KLB: variants seen among roughly 807,000 people sequenced by gnomAD.
KLB encodes beta-klotho.
In KLB, 44 loss-of-function variants were observed where a neutral mutation model predicts 88.4. That is an observed-to-expected ratio of 0.50 (90% CI 0.39 to 0.64). KLB has a LOEUF of 0.64. Ranked by LOEUF, KLB falls within the 30% of genes least tolerant of loss-of-function variation. The probability of loss-of-function intolerance (pLI) is 0.00; values close to 1 mark genes in which losing one functional copy is unlikely to be tolerated. For synonymous variants in KLB, 548 were observed against 513.4 expected, an observed-to-expected ratio of 1.07 and a Z score of -0.91; for missense variants, 1,137 against 1,304.8, an observed-to-expected ratio of 0.87 and a Z score of 1.98.
chr4:39,447,153 C>G lies in KLB; in HGVS notation c.2427C>G (p.Ala809=), dbSNP rs1423197953. 2 of 1,613,746 alleles carry G rather than the reference C, an allele frequency of 1.2e-6. No homozygotes were observed. The highest frequency in any genetic ancestry group is 1.1e-5 in the South Asian group (1 of 91,086). The change falls in exon 4 of 5, where the codon GCC becomes GCG. Residue 809 remains alanine, a synonymous_variant. Coordinates refer to ENST00000257408, the MANE Select transcript of KLB (RefSeq NM_175737.4). ...SSSALPRLTE[A]ERRLLKGTVD... Reference sequence around the variant, plus strand: ...CGGCCCTGCCGCGCCTCACCGAGGCCGAAAGGAGGCTGCTCAAGGGCACGG... The same window carrying G: ...CGGCCCTGCCGCGCCTCACCGAGGCGGAAAGGAGGCTGCTCAAGGGCACGG...
rs1284782970 is a variant in KLB, at chr4:39,447,193, C to A, written c.2467C>A (p.Leu823Ile). 1.2e-6 allele frequency: 2 copies of A among 1,614,004 alleles called. No homozygotes were observed. The highest frequency in any genetic ancestry group is 2.2e-5 in the South Asian group (2 of 91,086). ...CAAGGGCACGGTCGACTTCTGCGCG[C>A]TCAACCACTTCACCACTAGGTTCGT... ...LLKGTVDFCA[L>I]NHFTTRFVMH... The change falls in exon 4 of 5, where the codon CTC becomes ATC. Residue 823 changes from leucine (L) to isoleucine (I), a missense_variant. By Grantham distance (5) the Leu-to-Ile change is conservative. Transcript: ENST00000257408.
intron 1 of KLB, among the ~76,000 whole-genome samples, chr4:39,429,992 G>A (rs147110574): frequency 4.6e-5 from 7 of 152,196 alleles, no homozygotes; most frequent in Non-Finnish European, 8.8e-5. Context: ...ACTGTGGAAC[G>A]TGAAGGTCAC....
chr4:39,448,238 A>AT, intron 4 of KLB, 63 bp from the exon 5 acceptor site: 1 of 1,290,640 alleles, frequency 7.7e-7, no homozygotes, highest in Admixed American at 2.5e-5. Context: ...TGAAAACTAA[A>AT]TTCTTCCTCA....
At chr4:39,411,174 G>C (rs1392217189) in intron 1 of KLB, among the ~76,000 whole-genome samples, 1 of 149,188 alleles carries the variant, frequency 6.7e-6, no homozygotes, top group Non-Finnish European at 1.5e-5. Context: ...TCAGCCTCCC[G>C]AGTCGCTGGG....
chr4:39,426,147 G>A (rs1423136647), intron 1 of KLB, among the ~76,000 whole-genome samples: 3 of 152,036 alleles, frequency 2.0e-5, no homozygotes, highest in African/African-American at 7.3e-5. Context: ...AGCTACTCAG[G>A]AGGCTGAGGC....
chr4:39,439,888 G>A (rs1302786931), intron 3 of KLB, among the ~76,000 whole-genome samples: 2 of 151,948 alleles, frequency 1.3e-5, no homozygotes, highest in Non-Finnish European at 2.9e-5. Flanking sequence ...AACTGGCTTC[G>A]AAATCCTGAC....
At chr4:39,431,068 C>T (rs1176065489) in intron 1 of KLB, among the ~76,000 whole-genome samples, 4 of 150,022 alleles carry the variant, frequency 2.7e-5, no homozygotes, top group African/African-American at 7.3e-5. Flanking sequence ...AGGCACGTAT[C>T]ACCATGCCTG....
At position 39,434,309 on chromosome 4, in the gene KLB, C is replaced by G. The variant is rs150045601; in HGVS notation, c.925C>G (p.Arg309Gly). The change falls in exon 2 of 5, where the codon CGG becomes GGG. Residue 309 changes from arginine (R) to glycine (G), a missense_variant. This residue lies in a region of KLB where 597 missense variants were observed against 765.2 expected (regional missense o/e 0.78). Transcript: ENST00000257408. ...TLGSHWIEPN[R>G]SENTMDIFKC... The stretch of plus-strand genomic sequence containing the variant: ...GGGATCTCATTGGATCGAGCCAAAC[C>G]GGTCGGAAAACACGATGGATATATT... 6.2e-7 allele frequency: 1 copy of G among 1,613,988 alleles called. No homozygotes were observed. The highest frequency in any genetic ancestry group is 1.3e-5 in the African/African-American group (1 of 74,896).
chr4:39,418,375 G>C (rs2109823672), intron 1 of KLB, among the ~76,000 whole-genome samples: 1 of 152,152 alleles, frequency 6.6e-6, no homozygotes. Flanking sequence ...AAGTAGCTAA[G>C]ACTACAGGCG....
intron 1 of KLB, among the ~76,000 whole-genome samples, chr4:39,416,108 GACACACAC>G (rs34831449): frequency 7.0e-6 from 1 of 142,986 alleles, no homozygotes; most frequent in African/African-American, 2.6e-5. Context: ...GTAGATTGCA[GACACACAC>G]ACACACACAC....
intron 3 of KLB, among the ~76,000 whole-genome samples, chr4:39,442,754 C>G (rs1189105574): frequency 6.6e-6 from 1 of 152,158 alleles, no homozygotes; most frequent in African/African-American, 2.4e-5. Flanking sequence ...GTTTTATAAA[C>G]TTTTGATAAA....
chr4:39,431,626 G>A (rs564906423), intron 1 of KLB, among the ~76,000 whole-genome samples: 1 of 152,332 alleles, frequency 6.6e-6, no homozygotes, highest in Admixed American at 6.5e-5. Context: ...TGAAAATTGA[G>A]TAAGGACAAG....
At position 39,447,398 on chromosome 4, in the gene KLB, G is replaced by T; in HGVS notation, c.2672G>T (p.Gly891Val). ...GDMDIYITAS[G>V]IDDQALEDDR... Reference sequence around the variant, plus strand: ...ATGGACATTTACATCACCGCCAGTGGCATCGACGACCAGGCTCTGGAGGAT... The same window carrying T: ...ATGGACATTTACATCACCGCCAGTGTCATCGACGACCAGGCTCTGGAGGAT... The change falls in exon 4 of 5, where the codon GGC (glycine) becomes GTC (valine). Residue 891 changes from glycine to valine, a missense_variant. Gly to Val is a moderately radical substitution (Grantham distance 109). Coordinates refer to ENST00000257408, the MANE Select transcript of KLB (RefSeq NM_175737.4). 1 of 1,613,588 alleles carries T rather than the reference G, an allele frequency of 6.2e-7. No homozygotes were observed. Among genetic ancestry groups the T allele is most frequent in the Non-Finnish European group, 8.5e-7 (1 of 1,179,880 alleles).
intron 1 of KLB, among the ~76,000 whole-genome samples, chr4:39,429,346 A>G (rs1406806971): frequency 6.6e-6 from 1 of 152,066 alleles, no homozygotes; most frequent in African/African-American, 2.4e-5. Context: ...CTGGCTCCTA[A>G]TCCCTTCTTC....
In KLB at chr4:39,434,732, A is replaced by C. The variant is rs763843856; in HGVS notation, c.1336+12A>C. On this transcript the variant is annotated intron_variant, in intron 2 of 4. Coordinates refer to ENST00000257408, the MANE Select transcript of KLB (RefSeq NM_175737.4). ...CCAGGTGCTTCAAGGTTGGTTGTACACTTGCTTAATTTTTTAAAAATTCTA... is the reference window on the plus strand; with the variant it reads ...CCAGGTGCTTCAAGGTTGGTTGTACCCTTGCTTAATTTTTTAAAAATTCTA... The C allele has an allele frequency of 1.3e-6, 2 of 1,572,398 alleles. No individual in the cohort carries two copies. The highest frequency in any genetic ancestry group is 1.7e-6 in the Non-Finnish European group (2 of 1,162,318).
chr4:39,446,077 T>A lies in KLB; in HGVS notation c.1606-255T>A, dbSNP rs1403713682. 6.6e-6 allele frequency among the ~76,000 whole-genome samples: 1 copy of A among 152,198 alleles called. No homozygotes were observed. The highest frequency in any genetic ancestry group is 1.5e-5 in the Non-Finnish European group (1 of 68,032). On this transcript the variant is annotated intron_variant, in intron 3 of 4. Transcript: ENST00000257408. This position sits in a 1 kb window ranked among gnomAD's most constrained non-coding sequence, Gnocchi z 6.4. ...AACAGAATCACTTCAAACCCCACCA[T>A]ATATAACCTAGGGTTTAAAGTTAAA...
chr4:39,437,372 G>A (rs1743494615), intron 2 of KLB, among the ~76,000 whole-genome samples: 1 of 152,102 alleles, frequency 6.6e-6, no homozygotes, highest in South Asian at 2.1e-4. Flanking sequence ...CTTGAAATAA[G>A]AAACTCTTGG....
At chr4:39,438,096 A>C in intron 3 of KLB, 101 bp downstream of exon 3, 1 of 1,092,440 alleles carries the variant, frequency 9.2e-7, no homozygotes, top group Non-Finnish European at 1.3e-6. Context: ...ACAATATCAA[A>C]TACCACAATT....
chr4:39,411,050 T>TTTTTG lies in KLB; in HGVS notation c.825+3292_825+3296dup, dbSNP rs572346790. 1.7e-3 allele frequency among the ~76,000 whole-genome samples: 256 copies of TTTTTG among 152,218 alleles called. 1 individual carries two copies. Among genetic ancestry groups the TTTTTG allele is most frequent in the African/African-American group, 5.7e-3 (238 of 41,538 alleles). On this transcript the variant is annotated intron_variant, in intron 1 of 4. Transcript: ENST00000257408. ...TGGATGAACCAACTCTAAGTTTTTG[T>TTTTTG]TTTTGTTTTGTTTTGTTTTGAGACG... is the stretch of plus-strand genomic sequence containing the variant.
Sources: allele counts gnomAD v4.1 joint callset (sites outside exome capture counted in the v4.1 genomes callset), GRCh38; gene constraint gnomAD v4.1.1; regional missense constraint gnomAD v4.1.1; non-coding constraint Gnocchi (gnomAD v3.1); transcripts MANE v1.5; gene names NCBI Gene and HGNC (gene_info 2026-07-23, HGNC 2026-07-21).